Variants in NHS observed in about 807,000 individuals in gnomAD.
The protein encoded by NHS is NHS actin remodeling regulator.
In NHS, 5 loss-of-function variants were observed where a neutral mutation model predicts 72.5. The observed-to-expected ratio is 0.07, with a 90% confidence interval of 0.04 to 0.14. The LOEUF is 0.14. NHS is among the 10% of genes least tolerant of loss of function. The probability of loss-of-function intolerance (pLI) is 1.00; values close to 1 mark genes in which losing one functional copy is unlikely to be tolerated. For synonymous variants in NHS, 464 were observed against 547.7 expected, an observed-to-expected ratio of 0.85 and a Z score of 2.13; for missense variants, 1,072 against 1,355.7, an observed-to-expected ratio of 0.79 and a Z score of 3.29.
chrX:17,717,860 C>T (rs1245818413), intron 3 of NHS, among the ~76,000 whole-genome samples: 1 of 111,517 alleles, frequency 9.0e-6, no homozygotes, highest in Non-Finnish European at 1.9e-5. Context: ...GAATTTTCTT[C>T]CAAGTAGTTC....
chrX:17,690,529 T>A (rs750493538), intron 2 of NHS, among the ~76,000 whole-genome samples: 2 of 112,075 alleles, frequency 1.8e-5, no homozygotes, highest in Non-Finnish European at 3.8e-5. Context: ...ACCTAGAAAT[T>A]GGCTGCCTTC....
intron 1 of NHS, among the ~76,000 whole-genome samples, chrX:17,513,809 T>C (rs1370820939): frequency 8.9e-6 from 1 of 112,459 alleles, no homozygotes; most frequent in Admixed American, 9.4e-5. Flanking sequence ...ATGGTTAATA[T>C]TGAATGTCAA....
intron 1 of NHS, among the ~76,000 whole-genome samples, chrX:17,538,706 C>T (rs1331087843): frequency 8.9e-6 from 1 of 112,149 alleles, no homozygotes; most frequent in African/African-American, 3.2e-5. Context: ...TGGTCATGCT[C>T]TCATCAATTT....
chrX:17,424,740 A>G (rs1422358348), intron 1 of NHS, among the ~76,000 whole-genome samples: 1 of 111,809 alleles, frequency 8.9e-6, no homozygotes. Context: ...GATCTTGAAA[A>G]TCTCCTTGCT....
chrX:17,605,094 C>A (rs906484335), intron 1 of NHS, among the ~76,000 whole-genome samples: 1 of 112,106 alleles, frequency 8.9e-6, no homozygotes, highest in Non-Finnish European at 1.9e-5. Flanking sequence ...AAAGGGGCAT[C>A]TATTCTCAGA....
At chrX:17,704,095 G>A (rs1460736028) in intron 3 of NHS, among the ~76,000 whole-genome samples, 1 of 110,716 alleles carries the variant, frequency 9.0e-6, no homozygotes, top group East Asian at 2.9e-4. Flanking sequence ...TAGAACACTT[G>A]GTTGTACACC....
At chrX:17,531,723 C>T (rs1174649712) in intron 1 of NHS, among the ~76,000 whole-genome samples, 1 of 112,238 alleles carries the variant, frequency 8.9e-6, no homozygotes, top group Non-Finnish European at 1.9e-5. Context: ...TGCAGCCACG[C>T]TGGCCTATTT....
chrX:17,726,663 A>C lies in NHS; in HGVS notation c.2557A>C (p.Lys853Gln). 2 of 1,211,883 alleles carry C rather than the reference A, an allele frequency of 1.7e-6. No homozygotes were observed. The highest frequency in any genetic ancestry group is 2.2e-6 in the Non-Finnish European group (2 of 895,532). ...RKPKAKPTPPKRSSSLRKSDG... is the reference protein window; with the variant it reads ...RKPKAKPTPPQRSSSLRKSDG... ...ACCAAAGGCAAAGCCGACCCCACCT[A>C]AACGTAGCTCATCATTGAGGAAGTC... The change falls in exon 7 of 9, where the codon AAA becomes CAA. Residue 853 changes from lysine to glutamine, a missense_variant. Transcript: ENST00000676302.
intron 1 of NHS, among the ~76,000 whole-genome samples, chrX:17,559,941 C>G (rs2065403953): frequency 8.9e-6 from 1 of 111,793 alleles, no homozygotes; most frequent in South Asian, 3.8e-4. Flanking sequence ...TATCAGGGTT[C>G]CCTGCAGCTC....
At chrX:17,582,982 A>G (rs1218228681) in intron 1 of NHS, among the ~76,000 whole-genome samples, 1 of 111,918 alleles carries the variant, frequency 8.9e-6, no homozygotes, top group East Asian at 2.8e-4. Flanking sequence ...CACTGGGACC[A>G]TATGCCAACC....
chrX:17,394,657 G>T (rs919130852), intron 1 of NHS, among the ~76,000 whole-genome samples: 16 of 111,326 alleles, frequency 1.4e-4, no homozygotes, highest in Non-Finnish European at 1.9e-4. Context: ...CTTCTCCCAG[G>T]TTGCCTATCT....
chrX:17,488,862 T>C (rs776445851), intron 1 of NHS, among the ~76,000 whole-genome samples: 68 of 110,733 alleles, frequency 6.1e-4, no homozygotes, highest in Non-Finnish European at 1.2e-3. Context: ...TACATAAGTA[T>C]ACATGTGCCA....
At chrX:17,691,724 C>G (rs2066196775) in intron 2 of NHS, among the ~76,000 whole-genome samples, 1 of 111,806 alleles carries the variant, frequency 8.9e-6, no homozygotes. Flanking sequence ...CCACCACAGC[C>G]CATTCGAAAT....
At chrX:17,606,424 C>T (rs1350124710) in intron 1 of NHS, among the ~76,000 whole-genome samples, 7 of 111,923 alleles carry the variant, frequency 6.3e-5, no homozygotes, top group African/African-American at 2.0e-4. Context: ...CTGGGGCCGA[C>T]GTGACATGTT....
chrX:17,445,136 G>C (rs2064772644), intron 1 of NHS, among the ~76,000 whole-genome samples: 1 of 108,675 alleles, frequency 9.2e-6, no homozygotes, highest in Non-Finnish European at 1.9e-5. Context: ...AGCCCCAAAG[G>C]GCACATCGAG....
intron 1 of NHS, among the ~76,000 whole-genome samples, chrX:17,419,762 C>T (rs1282278180): frequency 8.9e-6 from 1 of 111,740 alleles, no homozygotes; most frequent in African/African-American, 3.2e-5. Context: ...CCATGAAAAG[C>T]TAAAATTGTT....
At chrX:17,615,238 G>GTA (rs200576721) in intron 1 of NHS, among the ~76,000 whole-genome samples, 1 of 84,531 alleles carries the variant, frequency 1.2e-5, no homozygotes, top group Non-Finnish European at 2.1e-5. Context: ...ATATATATAC[G>GTA]TATATATATA....
intron 1 of NHS, among the ~76,000 whole-genome samples, chrX:17,456,595 C>T (rs764978417): frequency 6.2e-5 from 7 of 112,193 alleles, no homozygotes; most frequent in African/African-American, 2.3e-4. Context: ...CATGAATGAG[C>T]GCCGCGTTAA....
Position 17,719,164 on chromosome X carries a change from G to C in NHS, c.853-180G>C, listed in dbSNP as rs1450248950. On this transcript the variant is annotated intron_variant, in intron 3 of 8. Coordinates refer to ENST00000676302, the MANE Select transcript of NHS (RefSeq NM_001291867.2). ...GGAAGGAATAATAAGGAGAAGGAAG[G>C]AATAATGAGAAGGAAGGAGGAAGGG... is the stretch of plus-strand genomic sequence containing the variant. 7.6e-6 allele frequency: 3 copies of C among 393,565 alleles called. No individual in the cohort carries two copies. The African/African-American group carries it at 8.5e-5, about 11-fold the overall frequency. The allele number at this position is 393,565 out of a possible 1,213,427, so 32.4% of individuals were successfully genotyped here.
Sources: gnomAD v4.1 joint callset for allele counts (sites outside exome capture counted in the v4.1 genomes callset) on GRCh38, gnomAD v4.1.1 for gene constraint, MANE v1.5 for transcripts, NCBI Gene and HGNC (gene_info 2026-07-23, HGNC 2026-07-21) for gene names.